Variants in RBFOX1 observed in about 807,000 individuals in gnomAD.
RBFOX1 encodes the protein RNA binding fox-1 homolog 1, also known as RNA binding protein fox-1 homolog 1.
RBFOX1 carries 8 observed loss-of-function variants against 57.7 expected under a neutral mutation model. The ratio of observed to expected loss-of-function variants is 0.14; its 90% CI spans 0.08 to 0.25. The LOEUF (loss-of-function observed/expected upper bound fraction) is 0.25, where lower values mean the gene tolerates loss of function less well. Among genes scored for constraint, RBFOX1 ranks in the 10% least tolerant of loss-of-function variants. The pLI, the probability that RBFOX1 is intolerant of heterozygous loss-of-function variation, is 1.00. For missense variants in RBFOX1, 611 were observed against 548.5 expected (o/e 1.11, Z -1.14); for synonymous variants, 326 against 222.4 (o/e 1.47, Z -4.15).
intron 4 of RBFOX1, among the ~76,000 whole-genome samples, chr16:5,938,380 T>A (rs1680089576): frequency 6.6e-6 from 1 of 152,214 alleles, no homozygotes; most frequent in Non-Finnish European, 1.5e-5. Flanking sequence ...CAGTGCACAT[T>A]CTCAAGCTGA....
At chr16:5,784,104 C>A (rs890975870) in intron 3 of RBFOX1, among the ~76,000 whole-genome samples, 1 of 152,096 alleles carries the variant, frequency 6.6e-6, no homozygotes, top group Non-Finnish European at 1.5e-5. Flanking sequence ...CCTCAGGAAA[C>A]CTACACTCAC....
At chr16:5,955,239 C>T (rs1275018808) in intron 4 of RBFOX1, among the ~76,000 whole-genome samples, 7 of 146,280 alleles carry the variant, frequency 4.8e-5, no homozygotes, top group Non-Finnish European at 8.9e-5. Flanking sequence ...CAAGATTATG[C>T]CATTGCACTT....
At chr16:5,406,250 G>A (rs558006259) in intron 1 of RBFOX1, among the ~76,000 whole-genome samples, 8 of 152,224 alleles carry the variant, frequency 5.3e-5, no homozygotes, top group East Asian at 1.9e-4. Context: ...CAAGAATAGC[G>A]TTTGAATTGG....
chr16:7,052,097 G>C lies in RBFOX1; in HGVS notation c.26G>C (p.Arg9Thr). 6.2e-7 allele frequency: 1 copy of C among 1,606,694 alleles called. No homozygotes were observed. The highest frequency in any genetic ancestry group is 8.5e-7 in the Non-Finnish European group (1 of 1,178,022). Residue 9 changes from arginine (R) to threonine (T), a missense_variant and splice_region_variant, in exon 4 of 16, where the codon AGG becomes ACG. Arg to Thr is a moderately conservative substitution (Grantham distance 71, BLOSUM62 -1). This residue lies in a region of RBFOX1 where 245 missense variants were observed against 159.1 expected (regional missense o/e 1.54). Coordinates refer to ENST00000550418, the MANE Select transcript of RBFOX1 (RefSeq NM_018723.4). ...ATGAATTGTGAAAGAGAGCAGCTAA[G>C]GGTAGGTGCACCTGCTTGTAAAATG... MNCEREQL[R>T]GNQEAAAAPD...
intron 2 of RBFOX1, among the ~76,000 whole-genome samples, chr16:5,584,439 G>A (rs1022586241): frequency 9.2e-5 from 14 of 152,098 alleles, no homozygotes; most frequent in African/African-American, 2.7e-4. Context: ...TTGATGTTCC[G>A]TCTTCCCTTG....
In RBFOX1 at chr16:7,122,912, C is replaced by T. The variant is rs117124064; in HGVS notation, c.27+70814C>T. Among the ~76,000 whole-genome samples, 1,052 of 152,114 alleles carry T rather than the reference C, an allele frequency of 6.9e-3. 5 individuals are homozygous for T. The highest frequency in any genetic ancestry group is 0.02 in the Middle Eastern group (6 of 294). ...TATATGTGACAACTTGGATCTATTT[C>T]AAAAGCATTATGCTAAGAGAAGGAA... is the stretch of plus-strand genomic sequence containing the variant. On this transcript the variant is annotated intron_variant, in intron 4 of 15. Transcript: ENST00000550418.
intron 4 of RBFOX1, among the ~76,000 whole-genome samples, chr16:7,492,610 T>G (rs1048682536): frequency 6.6e-6 from 1 of 152,212 alleles, no homozygotes. Flanking sequence ...TGTCAAATTG[T>G]AATCCCCAGT....
At chr16:6,337,626 C>T (rs1182825283) in intron 2 of RBFOX1, among the ~76,000 whole-genome samples, 1 of 152,194 alleles carries the variant, frequency 6.6e-6, no homozygotes, top group Non-Finnish European at 1.5e-5. Context: ...CACGTGCTGT[C>T]AAGCAGCAAG....
chr16:5,987,872 A>G (rs1567224977), intron 4 of RBFOX1, among the ~76,000 whole-genome samples: 1 of 152,228 alleles, frequency 6.6e-6, no homozygotes, highest in Non-Finnish European at 1.5e-5. Context: ...TTTCAATAGC[A>G]TTTTATATAA....
At chr16:6,937,470 G>A (rs7185103) in intron 3 of RBFOX1, among the ~76,000 whole-genome samples, 61,989 of 151,916 alleles carry the variant, frequency 0.41, 15,129 homozygotes, top group African/African-American at 0.69. Context: ...TCTGTAAAAC[G>A]GTGAAGATAT....
At chr16:6,767,510 G>T (rs113509663) in intron 3 of RBFOX1, among the ~76,000 whole-genome samples, 1 of 152,132 alleles carries the variant, frequency 6.6e-6, no homozygotes, top group African/African-American at 2.4e-5. Context: ...ATTTGAGCCA[G>T]TGTTTTAATT....
intron 4 of RBFOX1, among the ~76,000 whole-genome samples, chr16:7,343,461 G>C (rs1293938587): frequency 6.6e-6 from 1 of 152,176 alleles, no homozygotes; most frequent in African/African-American, 2.4e-5. Context: ...CAGTACAAGG[G>C]CTTTGTTGAG....
chr16:5,408,212 G>T (rs2066915944), intron 1 of RBFOX1, among the ~76,000 whole-genome samples: 1 of 152,136 alleles, frequency 6.6e-6, no homozygotes, highest in South Asian at 2.1e-4. Context: ...TATTATCCCA[G>T]CTTGGCAAAA....
At chr16:5,273,351 C>T (rs1214102452) in intron 1 of RBFOX1, among the ~76,000 whole-genome samples, 1 of 152,034 alleles carries the variant, frequency 6.6e-6, no homozygotes, top group Non-Finnish European at 1.5e-5. Flanking sequence ...TCTTTAGTGC[C>T]TGCTATGTGC....
intron 4 of RBFOX1, among the ~76,000 whole-genome samples, chr16:7,402,404 T>A (rs2098259886): frequency 1.3e-5 from 2 of 152,190 alleles, no homozygotes; most frequent in South Asian, 4.1e-4. Context: ...CAAAGGAATA[T>A]CATCTTTGAA....
At chr16:6,902,649 G>A (rs969666923) in intron 3 of RBFOX1, among the ~76,000 whole-genome samples, 2 of 152,156 alleles carry the variant, frequency 1.3e-5, no homozygotes, top group African/African-American at 4.8e-5. Context: ...TTGAACCCAG[G>A]AGGCAGAGGC....
intron 2 of RBFOX1, among the ~76,000 whole-genome samples, chr16:6,319,829 C>G (rs1269042333): frequency 6.6e-6 from 1 of 152,162 alleles, no homozygotes; most frequent in Non-Finnish European, 1.5e-5. Flanking sequence ...ATTTAACTTC[C>G]AAGAGGTTTC....
intron 3 of RBFOX1, among the ~76,000 whole-genome samples, chr16:6,750,217 C>G (rs1018484226): frequency 2.6e-5 from 4 of 152,156 alleles, no homozygotes; most frequent in African/African-American, 9.7e-5. Flanking sequence ...GAATTGTGGG[C>G]TCTACCTGAG....
chr16:6,714,763 G>A (rs192121416), intron 3 of RBFOX1, among the ~76,000 whole-genome samples: 77 of 152,232 alleles, frequency 5.1e-4, no homozygotes, highest in Non-Finnish European at 9.4e-4. Context: ...GGGCAGTACC[G>A]TTTTCTAAAC....
Sources: allele counts gnomAD v4.1 joint callset (sites outside exome capture counted in the v4.1 genomes callset), GRCh38; gene constraint gnomAD v4.1.1; regional missense constraint gnomAD v4.1.1; transcripts MANE v1.5; gene names NCBI Gene and HGNC (gene_info 2026-07-23, HGNC 2026-07-21).